Variants in MAP4 observed in about 807,000 individuals in gnomAD.
The protein encoded by MAP4 is microtubule-associated protein 4.
A neutral mutation model predicts 170.2 loss-of-function variants in MAP4; 76 were observed. The ratio of observed to expected loss-of-function variants is 0.45; its 90% CI spans 0.37 to 0.54. MAP4 has a LOEUF of 0.54. MAP4 is among the 20% of genes least tolerant of loss of function. The probability of loss-of-function intolerance (pLI) is 0.00; values close to 1 mark genes in which losing one functional copy is unlikely to be tolerated. For missense variants in MAP4, 2,506 were observed against 2,748.0 expected (o/e 0.91, Z 1.97); for synonymous variants, 909 against 994.5 (o/e 0.91, Z 1.62).
chr3:47,855,357 C>T lies in MAP4; in HGVS notation c.6587G>A (p.Gly2196Glu). The T allele has an allele frequency of 1.3e-6, 2 of 1,597,380 alleles. No homozygotes were observed. The highest frequency in any genetic ancestry group is 1.7e-6 in the Non-Finnish European group (2 of 1,164,708). ...SKANIKHKPG[G>E]GDVKIESQKL... ...CTGACTTTCAATCTTGACATCTCCT[C>T]CACCTGGAACCACAAAGGAACTGGT... Residue 2196 changes from glycine (G) to glutamate (E), a missense_variant, in exon 19 of 21, where the codon GGA (glycine) becomes GAA (glutamate). Transcript: ENST00000683076. This position sits in a 1 kb window ranked among gnomAD's most constrained non-coding sequence, Gnocchi z 5.1.
At chr3:47,904,627 CTAA>C (rs1361394944) in intron 9 of MAP4, among the ~76,000 whole-genome samples, 4 of 117,942 alleles carry the variant, frequency 3.4e-5, no homozygotes, top group African/African-American at 9.9e-5. Context: ...ACTAACACCA[CTAA>C]TAATATCTTT....
At chr3:47,940,514 T>C (rs2100055601) in intron 3 of MAP4, among the ~76,000 whole-genome samples, 1 of 152,108 alleles carries the variant, frequency 6.6e-6, no homozygotes, top group Non-Finnish European at 1.5e-5. Flanking sequence ...CCACTGGCCA[T>C]CCCTAGAGAC....
intron 10 of MAP4, among the ~76,000 whole-genome samples, chr3:47,897,844 A>G (rs2100027775): frequency 1.3e-5 from 2 of 150,688 alleles, no homozygotes; most frequent in South Asian, 4.2e-4. Context: ...CGGGAGTCTG[A>G]GGCAGGAGAA....
At chr3:47,984,479 T>C (rs2100087385) in intron 2 of MAP4, among the ~76,000 whole-genome samples, 1 of 152,158 alleles carries the variant, frequency 6.6e-6, no homozygotes, top group Non-Finnish European at 1.5e-5. Context: ...GATACATACA[T>C]AGCCTCAAAA....
At position 47,915,541 on chromosome 3, in the gene MAP4, C is replaced by T. The variant is rs115526242; in HGVS notation, c.1876+410G>A. On this transcript the variant is annotated intron_variant, in intron 7 of 20. Transcript: ENST00000683076. Reference sequence around the variant, plus strand: ...GGGAAGAATACATGGGGCAATATATCGAGTAGGAAAGAGGAGATGGAATCT... The same window carrying T: ...GGGAAGAATACATGGGGCAATATATTGAGTAGGAAAGAGGAGATGGAATCT... 4.2e-3 allele frequency among the ~76,000 whole-genome samples: 645 copies of T among 152,056 alleles called. 5 individuals are homozygous for T. Among genetic ancestry groups the T allele is most frequent in the African/African-American group, 0.014 (587 of 41,452 alleles).
intron 1 of MAP4, among the ~76,000 whole-genome samples, chr3:48,071,613 G>A (rs1018714878): frequency 6.6e-5 from 10 of 152,074 alleles, no homozygotes; most frequent in South Asian, 2.1e-4. Context: ...CAATCATTAC[G>A]ATAAATACTT....
At chr3:48,033,753 A>T (rs1352975183) in intron 1 of MAP4, among the ~76,000 whole-genome samples, 1 of 152,072 alleles carries the variant, frequency 6.6e-6, no homozygotes, top group Non-Finnish European at 1.5e-5. Flanking sequence ...GGTGCACGCC[A>T]CCACAGCCAG....
intron 2 of MAP4, among the ~76,000 whole-genome samples, 197 bp from the exon 3 acceptor site, chr3:47,978,130 C>A (rs1248309058): frequency 1.3e-5 from 2 of 152,084 alleles, no homozygotes; most frequent in Non-Finnish European, 2.9e-5. Flanking sequence ...TCCTAGGGCA[C>A]CCAAGCTCTG....
intron 1 of MAP4, among the ~76,000 whole-genome samples, chr3:48,080,646 A>C (rs2100146150): frequency 6.6e-6 from 1 of 152,172 alleles, no homozygotes; most frequent in Admixed American, 6.6e-5. Context: ...CAGGAATTCA[A>C]GACCGGCCTG....
chr3:47,884,159 GAT>G (rs1040124810), intron 10 of MAP4, among the ~76,000 whole-genome samples: 13 of 152,308 alleles, frequency 8.5e-5, no homozygotes, highest in Admixed American at 8.5e-4. Context: ...TGGGTCTGAA[GAT>G]ATGTTTTTTC....
intron 10 of MAP4, among the ~76,000 whole-genome samples, chr3:47,884,974 G>A (rs141099330): frequency 1.1e-3 from 164 of 152,166 alleles, no homozygotes; most frequent in Admixed American, 3.3e-3. Flanking sequence ...AGTATGGAGT[G>A]GACAACAGGA....
At chr3:48,045,879 A>C (rs1040111948) in intron 1 of MAP4, among the ~76,000 whole-genome samples, 5 of 151,158 alleles carry the variant, frequency 3.3e-5, no homozygotes, top group Admixed American at 6.6e-5. Context: ...CAATTGTCAC[A>C]CTCCTGTCTG....
intron 10 of MAP4, among the ~76,000 whole-genome samples, chr3:47,899,681 T>C (rs2153274984): frequency 6.6e-6 from 1 of 152,362 alleles, no homozygotes; most frequent in South Asian, 2.1e-4. Flanking sequence ...TCAAAAAAGA[T>C]CTGCTCAGTG....
At chr3:48,061,136 C>T (rs998423693) in intron 1 of MAP4, among the ~76,000 whole-genome samples, 19 of 152,158 alleles carry the variant, frequency 1.2e-4, no homozygotes, top group Non-Finnish European at 1.9e-4. Context: ...TGAGCCACCG[C>T]GCCTGGACCC....
chr3:48,051,705 C>A (rs1348527616), intron 1 of MAP4, among the ~76,000 whole-genome samples: 1 of 152,306 alleles, frequency 6.6e-6, no homozygotes, highest in East Asian at 1.9e-4. Flanking sequence ...CATTCAACAA[C>A]TACATCCCAG....
rs1357571229 is a variant in MAP4, at chr3:47,903,469, C to T, written c.5384-469G>A. On this transcript the variant is annotated intron_variant, in intron 9 of 20. Coordinates refer to ENST00000683076, the MANE Select transcript of MAP4 (RefSeq NM_001385682.1). The stretch of plus-strand genomic sequence containing the variant: ...AACGGCGTGAACCTGGGAGGCAGAG[C>T]GTGCAGTGAGCCGAGATCGCGCCAC... Among the ~76,000 whole-genome samples the T allele has an allele frequency of 4.7e-5, 7 of 148,812 alleles. No homozygotes were observed. In the East Asian group the frequency reaches 8.0e-4, roughly 17 times the overall value.
chr3:47,887,300 G>GCAGC (rs1314856360), intron 10 of MAP4, among the ~76,000 whole-genome samples: 2 of 152,230 alleles, frequency 1.3e-5, no homozygotes, highest in African/African-American at 4.8e-5. Context: ...CGCACTTGGA[G>GCAGC]CAGCCAGCCA....
At chr3:47,892,089 CTA>C (rs1486841188) in intron 10 of MAP4, 4 of 1,536,118 alleles carry the variant, frequency 2.6e-6, no homozygotes, top group Admixed American at 2.0e-5. Flanking sequence ...TCTGGCCCCT[CTA>C]TGAGTCCCAG....
At chr3:47,917,619 T>C (rs556453433) in intron 6 of MAP4, among the ~76,000 whole-genome samples, 71 of 148,900 alleles carry the variant, frequency 4.8e-4, no homozygotes, top group African/African-American at 1.6e-3. Flanking sequence ...AAGAAGCTAA[T>C]GTCAAGTAAC....
Sources: gnomAD v4.1 joint callset for allele counts (sites outside exome capture counted in the v4.1 genomes callset) on GRCh38, gnomAD v4.1.1 for gene constraint, Gnocchi (gnomAD v3.1) non-coding constraint, MANE v1.5 for transcripts, NCBI Gene and HGNC (gene_info 2026-07-23, HGNC 2026-07-21) for gene names.